The following RAB1A variants were observed in gnomAD, a reference collection of about 807,000 sequenced individuals.
The protein encoded by RAB1A is ras-related protein Rab-1A.
RAB1A carries 2 observed loss-of-function variants against 26.0 expected under a neutral mutation model. The observed-to-expected ratio is 0.08, with a 90% confidence interval of 0.03 to 0.24. RAB1A has a LOEUF of 0.24. Among genes scored for constraint, RAB1A ranks in the 10% least tolerant of loss-of-function variants. The pLI, the probability that RAB1A is intolerant of heterozygous loss-of-function variation, is 1.00. For missense variants in RAB1A, 100 were observed against 247.0 expected, an observed-to-expected ratio of 0.40 and a Z score of 3.99; for synonymous variants, 84 against 84.9, an observed-to-expected ratio of 0.99 and a Z score of 0.06.
chr2:65,088,858 C>CTGTG, intron 5 of RAB1A, 81 bp downstream of exon 5: 5 of 1,430,336 alleles, frequency 3.5e-6, no homozygotes, highest in Non-Finnish European at 3.8e-6. Context: ...TTTTAAAAGG[C>CTGTG]TGTGGCCTTA....
At chr2:65,129,840 GA>G in intron 1 of RAB1A, 52 bp downstream of exon 1, 1 of 1,569,410 alleles carries the variant, frequency 6.4e-7, no homozygotes, top group Non-Finnish European at 8.6e-7. Flanking sequence ...ACCCCTTTAA[GA>G]TCCCCCAAGC....
intron 1 of RAB1A, chr2:65,106,406 T>A (rs1461517843): frequency 2.8e-6 from 1 of 355,312 alleles, no homozygotes; most frequent in Non-Finnish European, 5.5e-6. Context: ...TTATTTTTTT[T>A]GTTTTAATTG....
In RAB1A at chr2:65,095,286, T is replaced by C. The variant is rs187016295; in HGVS notation, c.192+2685A>G. Among the ~76,000 whole-genome samples the C allele has an allele frequency of 2.0e-4, 31 of 152,202 alleles. 1 individual carries two copies. Among genetic ancestry groups the C allele is most frequent in the Admixed American group, 9.2e-4 (14 of 15,292 alleles). On this transcript the variant is annotated intron_variant, in intron 3 of 5. Coordinates refer to ENST00000409784, the MANE Select transcript of RAB1A (RefSeq NM_004161.5). ...CCTGAGCTCAGGCAATCTGCCCACCTTGGCCTCCCAAAGTGCTAGGACTAT... is the reference window on the plus strand; with the variant it reads ...CCTGAGCTCAGGCAATCTGCCCACCCTGGCCTCCCAAAGTGCTAGGACTAT...
chr2:65,103,304 A>AAAAAAAAACAAAAAAAAC (rs1553392772), intron 2 of RAB1A, among the ~76,000 whole-genome samples: 10 of 112,502 alleles, frequency 8.9e-5, no homozygotes, highest in African/African-American at 3.1e-4. Context: ...TGTCTCAAAA[A>AAAAAAAAACAAAAAAAAC]AAAAAAAAAA....
chr2:65,123,107 C>A, intron 1 of RAB1A, among the ~76,000 whole-genome samples: 1 of 151,408 alleles, frequency 6.6e-6, no homozygotes. Context: ...CACACATACA[C>A]AACACACAGC....
In RAB1A at chr2:65,094,047, C is replaced by T. The variant is rs188465890; in HGVS notation, c.193-2969G>A. On this transcript the variant is annotated intron_variant, in intron 3 of 5. Coordinates refer to ENST00000409784, the MANE Select transcript of RAB1A (RefSeq NM_004161.5). ...TGCAAATGGCACAATCTTGGCTCAC[C>T]GCAACCTCCATCTCCGGGCTCAAGC... is the stretch of plus-strand genomic sequence containing the variant. Among the ~76,000 whole-genome samples the T allele has an allele frequency of 2.5e-3, 378 of 152,094 alleles. 4 individuals are homozygous for T. Among genetic ancestry groups the T allele is most frequent in the African/African-American group, 8.6e-3 (359 of 41,508 alleles).
At chr2:65,089,268 A>G (rs1669112419) in intron 4 of RAB1A, among the ~76,000 whole-genome samples, 198 bp from the exon 5 acceptor site, 2 of 152,056 alleles carry the variant, frequency 1.3e-5, no homozygotes. Context: ...GCCGGAGTGC[A>G]GTGGCACAAT....
chr2:65,127,719 C>T (rs1431257821), intron 1 of RAB1A, among the ~76,000 whole-genome samples: 1 of 152,186 alleles, frequency 6.6e-6, no homozygotes, highest in African/African-American at 2.4e-5. Context: ...AAGATTGAAA[C>T]TCCGTCTCAA....
At chr2:65,103,298 T>TC (rs1669475470) in intron 2 of RAB1A, among the ~76,000 whole-genome samples, 2 of 6,710 alleles carry the variant, frequency 3.0e-4, no homozygotes, top group African/African-American at 5.9e-4. Flanking sequence ...AGAATCTGTC[T>TC]CAAAAAAAAA....
intron 4 of RAB1A, among the ~76,000 whole-genome samples, chr2:65,089,702 ATTTTT>A (rs58993413): frequency 4.9e-5 from 7 of 141,902 alleles, no homozygotes; most frequent in East Asian, 2.2e-4. Context: ...AATTTGATTA[ATTTTT>A]TTTTTTTTTT....
chr2:65,094,808 A>G (rs1349224642), intron 3 of RAB1A, among the ~76,000 whole-genome samples: 1 of 152,212 alleles, frequency 6.6e-6, no homozygotes, highest in Non-Finnish European at 1.5e-5. Context: ...AATCAAATTT[A>G]ATAAAAGGCA....
chr2:65,089,645 CT>C (rs1669121960), intron 4 of RAB1A, among the ~76,000 whole-genome samples: 1 of 151,878 alleles, frequency 6.6e-6, no homozygotes, highest in Non-Finnish European at 1.5e-5. Context: ...GCAAACCCAA[CT>C]GCTTTGGAAT....
chr2:65,104,212 C>A (rs189109701), intron 2 of RAB1A, among the ~76,000 whole-genome samples: 2 of 152,174 alleles, frequency 1.3e-5, no homozygotes, highest in East Asian at 3.9e-4. Context: ...TTGTCCAAGA[C>A]CCTACTTTTT....
At chr2:65,120,455 CAAAAAAAAAAAAAAAAA>C (rs67617654) in intron 1 of RAB1A, among the ~76,000 whole-genome samples, 83 of 56,640 alleles carry the variant, frequency 1.5e-3, no homozygotes, top group Admixed American at 3.3e-3. Context: ...CACCTTGTCT[CAAAAAAAAAAAAAAAAA>C]AAAAAAAACT....
chr2:65,105,985 C>A lies in RAB1A; in HGVS notation c.24-1179G>T, dbSNP rs371155634. On this transcript the variant is annotated intron_variant, in intron 1 of 5. Coordinates refer to ENST00000409784, the MANE Select transcript of RAB1A (RefSeq NM_004161.5). ...CCGTGTTGGCCAGGATGGTCTCGAT[C>A]TCCTGACCTCATGATCTGCCCGCCT... Among the ~76,000 whole-genome samples, 10 of 152,288 alleles carry A rather than the reference C, an allele frequency of 6.6e-5. No individual in the cohort carries two copies. In the East Asian group the frequency reaches 1.5e-3, roughly 24 times the overall value.
At position 65,124,953 on chromosome 2, in the gene RAB1A, T is replaced by A. The variant is rs77595162; in HGVS notation, c.23+4940A>T. ...GTTATCTTTCTTCTTTAAACTTTTC[T>A]GAGTTTTTCAAACCACCACCAAAAG... On this transcript the variant is annotated intron_variant, in intron 1 of 5. Coordinates refer to ENST00000409784, the MANE Select transcript of RAB1A (RefSeq NM_004161.5). 7.3e-3 allele frequency among the ~76,000 whole-genome samples: 1,112 copies of A among 152,098 alleles called. 14 individuals are homozygous for A. The highest frequency in any genetic ancestry group is 0.026 in the African/African-American group (1,063 of 41,504).
chr2:65,095,328 G>A (rs34012288), intron 3 of RAB1A, among the ~76,000 whole-genome samples: 5,222 of 151,902 alleles, frequency 0.034, 127 homozygotes, highest in African/African-American at 0.067. Context: ...GAACCACGAC[G>A]CCCGGACAGC....
At chr2:65,089,181 C>A in intron 4 of RAB1A, 111 bp from the exon 5 acceptor site, 1 of 1,041,850 alleles carries the variant, frequency 9.6e-7, no homozygotes. Flanking sequence ...AGTGAGACAA[C>A]TCTAGCTACA....
intron 3 of RAB1A, among the ~76,000 whole-genome samples, chr2:65,093,709 G>A (rs890876794): frequency 4.1e-5 from 6 of 145,592 alleles, no homozygotes; most frequent in African/African-American, 7.7e-5. Flanking sequence ...TGCAATCTCC[G>A]CCTCCTGGGT....
Sources: gnomAD v4.1 joint callset for allele counts (sites outside exome capture counted in the v4.1 genomes callset) on GRCh38, gnomAD v4.1.1 for gene constraint, MANE v1.5 for transcripts, NCBI Gene and HGNC (gene_info 2026-07-23, HGNC 2026-07-21) for gene names.